Variants in MTUS2 observed in about 807,000 individuals in gnomAD.
The protein encoded by MTUS2 is microtubule-associated tumor suppressor candidate 2.
In MTUS2, 40 loss-of-function variants were observed where a neutral mutation model predicts 114.1. The observed-to-expected ratio is 0.35, with a 90% CI of 0.27 to 0.46. The LOEUF (loss-of-function observed/expected upper bound fraction) is 0.46, where lower values mean the gene tolerates loss of function less well. MTUS2 is among the 20% of genes least tolerant of loss of function. The probability of loss-of-function intolerance (pLI) is 1.00; values close to 1 mark genes in which losing one functional copy is unlikely to be tolerated. For synonymous variants in MTUS2, 688 were observed against 672.0 expected (o/e 1.02, Z -0.37); for missense variants, 1,679 against 1,705.4 (o/e 0.98, Z 0.27).
At chr13:28,946,305 G>GTGCA (rs1882529710) in intron 2 of MTUS2, among the ~76,000 whole-genome samples, 2 of 140,408 alleles carry the variant, frequency 1.4e-5, no homozygotes, top group African/African-American at 6.3e-5. Context: ...GTGTGTGTGT[G>GTGCA]CGCGCGCACA....
intron 5 of MTUS2, among the ~76,000 whole-genome samples, chr13:29,112,762 A>G (rs537175879): frequency 6.6e-5 from 10 of 152,310 alleles, no homozygotes; most frequent in Non-Finnish European, 1.5e-4. Context: ...ACAGCCATGA[A>G]GACAGAAACA....
chr13:29,185,219 A>C (rs1432178249), intron 5 of MTUS2, among the ~76,000 whole-genome samples: 7 of 152,110 alleles, frequency 4.6e-5, no homozygotes, highest in Non-Finnish European at 1.0e-4. Flanking sequence ...AGATCAATTG[A>C]GATTATCCAG....
intron 8 of MTUS2, among the ~76,000 whole-genome samples, chr13:29,409,723 A>C (rs1413427967): frequency 6.6e-6 from 1 of 151,892 alleles, no homozygotes; most frequent in East Asian, 1.9e-4. Flanking sequence ...ATTATTTTAC[A>C]TCCTGCCTTC....
intron 4 of MTUS2, among the ~76,000 whole-genome samples, chr13:29,092,201 A>G (rs1047208497): frequency 1.1e-4 from 17 of 152,166 alleles, no homozygotes; most frequent in Non-Finnish European, 1.9e-4. Flanking sequence ...TGGACTGAGA[A>G]CCTCTCTTTC....
At chr13:29,448,696 GT>G (rs1303439346) in intron 9 of MTUS2, among the ~76,000 whole-genome samples, 3 of 143,104 alleles carry the variant, frequency 2.1e-5, no homozygotes, top group South Asian at 2.2e-4. Context: ...ACTTTTTTAT[GT>G]TTTCTGAACA....
In MTUS2 at chr13:29,388,305, G is replaced by A. The variant is rs146469198; in HGVS notation, c.3117+28832G>A. ...TGGAGTCGGGGAGGTTGGCTTTGTT[G>A]TCTTCGTACTTTTTTGTCGTTTACC... On this transcript the variant is annotated intron_variant, in intron 8 of 15. Transcript: ENST00000612955. Among the ~76,000 whole-genome samples, 609 of 152,068 alleles carry A rather than the reference G, an allele frequency of 4.0e-3. 5 individuals carry two copies. The highest frequency in any genetic ancestry group is 6.5e-3 in the Non-Finnish European group (441 of 67,992).
chr13:29,448,166 T>C (rs1192973224), intron 9 of MTUS2, among the ~76,000 whole-genome samples: 1 of 152,110 alleles, frequency 6.6e-6, no homozygotes, highest in Non-Finnish European at 1.5e-5. Flanking sequence ...AAAATCAACA[T>C]GAATTAAACA....
At chr13:29,033,727 G>C (rs141578827) in intron 3 of MTUS2, among the ~76,000 whole-genome samples, 158 bp from the exon 4 acceptor site, 2 of 152,122 alleles carry the variant, frequency 1.3e-5, no homozygotes, top group Non-Finnish European at 2.9e-5. Context: ...TCAATCAGGA[G>C]ACGAAGACAC....
intron 4 of MTUS2, among the ~76,000 whole-genome samples, chr13:29,040,432 T>C (rs533121563): frequency 2.6e-5 from 4 of 152,210 alleles, no homozygotes; most frequent in Non-Finnish European, 5.9e-5. Context: ...TAAACGTGTG[T>C]GCAAGTATCT....
chr13:28,824,462 G>A (rs1874126717), intron 1 of MTUS2, among the ~76,000 whole-genome samples: 1 of 152,110 alleles, frequency 6.6e-6, no homozygotes, highest in Non-Finnish European at 1.5e-5. Context: ...CCCCTTGCCT[G>A]ATTGCTGTAA....
chr13:28,987,079 C>T (rs146824275), intron 2 of MTUS2, among the ~76,000 whole-genome samples: 111 of 152,304 alleles, frequency 7.3e-4, no homozygotes, highest in Non-Finnish European at 1.4e-3. Flanking sequence ...GAATAATTGA[C>T]CCCAAATCAC....
At position 29,035,652 on chromosome 13, in the gene MTUS2, C is replaced by A. The variant is rs545772769; in HGVS notation, c.2446+1527C>A. ...TTGTCCTCAGAGATATTCCCTTGCT[C>A]CTCAATCCCTGTTTTCTTTTTATTT... On this transcript the variant is annotated intron_variant, in intron 4 of 15. Transcript: ENST00000612955. Among the ~76,000 whole-genome samples the A allele has an allele frequency of 5.3e-5, 8 of 152,256 alleles. 1 individual carries two copies. In the South Asian group the frequency reaches 1.7e-3, roughly 32 times the overall value.
rs150365894 is a variant in MTUS2, at chr13:29,097,515, G to A, written c.2447-3258G>A. Among the ~76,000 whole-genome samples, 192 of 152,262 alleles carry A rather than the reference G, an allele frequency of 1.3e-3. 2 individuals are homozygous for A. Among genetic ancestry groups the A allele is most frequent in the African/African-American group, 4.2e-3 (174 of 41,566 alleles). The stretch of plus-strand genomic sequence containing the variant: ...CTGTCAAAGTCTATATTCTTGAATA[G>A]TCCAAGAACACTAAGTACTTGGAAA... On this transcript the variant is annotated intron_variant, in intron 4 of 15. Transcript: ENST00000612955.
At chr13:28,827,919 G>T (rs1397254559) in intron 1 of MTUS2, among the ~76,000 whole-genome samples, 1 of 152,182 alleles carries the variant, frequency 6.6e-6, no homozygotes, top group Admixed American at 6.5e-5. Flanking sequence ...AATCGCTAAT[G>T]AAGTTTTGGG....
At chr13:29,248,294 T>C (rs1221744042) in intron 5 of MTUS2, among the ~76,000 whole-genome samples, 2 of 152,142 alleles carry the variant, frequency 1.3e-5, no homozygotes, top group Non-Finnish European at 2.9e-5. Flanking sequence ...TTGCATGTAG[T>C]GTACATTCCT....
chr13:29,335,605 C>T (rs758225409), intron 7 of MTUS2, among the ~76,000 whole-genome samples: 1 of 152,248 alleles, frequency 6.6e-6, no homozygotes, highest in East Asian at 1.9e-4. Flanking sequence ...TGTGATATCT[C>T]CCCCAGACAC....
At chr13:28,940,966 T>C (rs1193050141) in intron 2 of MTUS2, among the ~76,000 whole-genome samples, 2 of 152,044 alleles carry the variant, frequency 1.3e-5, no homozygotes, top group African/African-American at 4.8e-5. Context: ...GTAACTATAC[T>C]GTTACCATCT....
Position 29,443,355 on chromosome 13 carries a change from G to A in MTUS2, c.3184+3306G>A, listed in dbSNP as rs1035999098. Among the ~76,000 whole-genome samples, 18 of 152,304 alleles carry A rather than the reference G, an allele frequency of 1.2e-4. 1 individual carries two copies. Among genetic ancestry groups the A allele is most frequent in the African/African-American group, 3.8e-4 (16 of 41,568 alleles). ...CCCTGATGCAATTGGGTTGGGTGCC[G>A]GGTGTGCCAAGTGCAAGGCTGCTTC... On this transcript the variant is annotated intron_variant, in intron 9 of 15. Transcript: ENST00000612955.
chr13:28,850,288 A>C (rs1353368003), intron 2 of MTUS2, among the ~76,000 whole-genome samples: 4 of 152,212 alleles, frequency 2.6e-5, no homozygotes, highest in Non-Finnish European at 5.9e-5. Flanking sequence ...TCCCCTCTGT[A>C]TAGGGCCCCA....
Sources: allele counts gnomAD v4.1 joint callset (sites outside exome capture counted in the v4.1 genomes callset), GRCh38; gene constraint gnomAD v4.1.1; transcripts MANE v1.5; gene names NCBI Gene and HGNC (gene_info 2026-07-23, HGNC 2026-07-21).